Variants in PLD5 observed in about 807,000 individuals in gnomAD.
PLD5 encodes the protein phospholipase D family member 5, also known as inactive phospholipase D5.
A neutral mutation model predicts 61.1 loss-of-function variants in PLD5; 36 were observed. The ratio of observed to expected loss-of-function variants is 0.59; its 90% CI spans 0.45 to 0.78. PLD5 has a LOEUF of 0.78. PLD5 is among the 30% of genes least tolerant of loss of function. The pLI is 0.00. For synonymous variants in PLD5, 243 were observed against 242.8 expected, an observed-to-expected ratio of 1.00 and a Z score of -0.01; for missense variants, 515 against 644.4, an observed-to-expected ratio of 0.80 and a Z score of 2.17.
intron 7 of PLD5, among the ~76,000 whole-genome samples, chr1:242,109,073 A>G (rs12127920): frequency 0.55 from 83,560 of 152,052 alleles, 23,172 homozygotes; most frequent in East Asian, 0.67. Context: ...ACTACAGGAA[A>G]GATCATCTCA....
intron 1 of PLD5, among the ~76,000 whole-genome samples, chr1:242,412,938 C>A (rs1664633346): frequency 6.6e-6 from 1 of 152,204 alleles, no homozygotes; most frequent in African/African-American, 2.4e-5. Flanking sequence ...TCCACCAATG[C>A]ATGGGTGGTT....
At chr1:242,291,018 C>T (rs1675330813) in intron 2 of PLD5, among the ~76,000 whole-genome samples, 2 of 152,260 alleles carry the variant, frequency 1.3e-5, no homozygotes, top group Non-Finnish European at 1.5e-5. Flanking sequence ...ACCAGCCTGG[C>T]CTGCCTCTCT....
intron 1 of PLD5, among the ~76,000 whole-genome samples, chr1:242,511,588 GAA>G (rs33948487): frequency 0.023 from 3,420 of 149,164 alleles, 45 homozygotes; most frequent in South Asian, 0.047. Context: ...GTCTAATGAT[GAA>G]AAAAAAAAAT....
At chr1:242,528,777 G>A (rs1304352995), upstream of PLD5, among the ~76,000 whole-genome samples, 1 of 152,102 alleles carries the variant, frequency 6.6e-6, no homozygotes, top group East Asian at 1.9e-4. Flanking sequence ...CAAAAAGCCA[G>A]GTTCATTGAC....
intron 4 of PLD5, among the ~76,000 whole-genome samples, chr1:242,244,117 T>C (rs560544610): frequency 6.6e-6 from 1 of 152,344 alleles, no homozygotes; most frequent in African/African-American, 2.4e-5. Flanking sequence ...TGATAGAGTG[T>C]GTTGGCCTAT....
At chr1:242,465,217 C>G (rs898124159) in intron 1 of PLD5, among the ~76,000 whole-genome samples, 3 of 152,042 alleles carry the variant, frequency 2.0e-5, no homozygotes, top group Non-Finnish European at 4.4e-5. Context: ...CAAATTTAAT[C>G]TCTCAGGAAA....
chr1:242,489,832 T>G lies in PLD5; in HGVS notation c.189+34256A>C, dbSNP rs12070101. On this transcript the variant is annotated intron_variant, in intron 1 of 9. Transcript: ENST00000536534. The stretch of plus-strand genomic sequence containing the variant: ...CACCAAGCCTCGACAAAAGGAGAGA[T>G]CATTTCCCGCAGAAGGAACAACTGC... 6.9e-3 allele frequency among the ~76,000 whole-genome samples: 1,047 copies of G among 152,274 alleles called. 16 individuals carry two copies. Among genetic ancestry groups the G allele is most frequent in the African/African-American group, 0.024 (982 of 41,548 alleles).
chr1:242,230,914 C>A (rs1671258150), intron 4 of PLD5, among the ~76,000 whole-genome samples: 1 of 152,144 alleles, frequency 6.6e-6, no homozygotes, highest in Non-Finnish European at 1.5e-5. Context: ...GGATATTCTG[C>A]TTCTTGGGAA....
chr1:242,178,639 GTTAA>G (rs954913351), intron 5 of PLD5, among the ~76,000 whole-genome samples: 151 of 152,256 alleles, frequency 9.9e-4, no homozygotes, highest in African/African-American at 3.4e-3. Flanking sequence ...CTACAAATGC[GTTAA>G]TTAACACTCA....
At chr1:242,211,011 C>T (rs1009779244) in intron 5 of PLD5, among the ~76,000 whole-genome samples, 3 of 152,148 alleles carry the variant, frequency 2.0e-5, no homozygotes, top group East Asian at 1.9e-4. Flanking sequence ...GTTTAAGGTA[C>T]GAAACCGTTC....
chr1:242,198,758 T>C (rs1299705717), intron 5 of PLD5, among the ~76,000 whole-genome samples: 1 of 150,366 alleles, frequency 6.7e-6, no homozygotes, highest in Non-Finnish European at 1.5e-5. Context: ...TATTTTGAGA[T>C]GGAGTTTCAC....
chr1:242,241,459 CA>C (rs2149061716), intron 4 of PLD5, among the ~76,000 whole-genome samples: 1 of 152,224 alleles, frequency 6.6e-6, no homozygotes, highest in African/African-American at 2.4e-5. Context: ...CTGTCATTTC[CA>C]ACTGACAATC....
chr1:242,153,199 G>T (rs185334119), intron 5 of PLD5, among the ~76,000 whole-genome samples: 2,809 of 149,328 alleles, frequency 0.019, 103 homozygotes, highest in African/African-American at 0.065. Flanking sequence ...CTTTTTGATG[G>T]TTTTTTTTTC....
At chr1:242,329,254 C>T (rs563452055) in intron 2 of PLD5, among the ~76,000 whole-genome samples, 70 of 152,268 alleles carry the variant, frequency 4.6e-4, no homozygotes, top group African/African-American at 1.6e-3. Context: ...AGGTGATCTA[C>T]CCGACTCAGC....
intron 5 of PLD5, among the ~76,000 whole-genome samples, chr1:242,162,189 T>C (rs1056711666): frequency 6.6e-6 from 1 of 152,134 alleles, no homozygotes; most frequent in Admixed American, 6.5e-5. Flanking sequence ...TGTCAAAAGA[T>C]TGACATCACA....
At chr1:242,428,342 G>A (rs953319574) in intron 1 of PLD5, among the ~76,000 whole-genome samples, 12 of 152,128 alleles carry the variant, frequency 7.9e-5, no homozygotes, top group African/African-American at 2.7e-4. Flanking sequence ...TGTTCTATAT[G>A]AGGAAATATT....
chr1:242,412,887 C>T (rs191905950), intron 1 of PLD5, among the ~76,000 whole-genome samples: 22 of 152,304 alleles, frequency 1.4e-4, no homozygotes, highest in Admixed American at 2.0e-4. Flanking sequence ...TAAGAAATTA[C>T]GAAACCACTT....
chr1:242,461,591 C>T (rs1299327770), intron 1 of PLD5, among the ~76,000 whole-genome samples: 3 of 152,170 alleles, frequency 2.0e-5, no homozygotes, highest in Non-Finnish European at 4.4e-5. Context: ...ATTTATCTTC[C>T]TTCGGGTATA....
chr1:242,301,536 A>G (rs1269860317), intron 2 of PLD5, among the ~76,000 whole-genome samples: 3 of 152,094 alleles, frequency 2.0e-5, no homozygotes, highest in Admixed American at 6.6e-5. Flanking sequence ...CAGGAAGGAC[A>G]ATGTTCAACA....
Sources: allele counts gnomAD v4.1 joint callset (sites outside exome capture counted in the v4.1 genomes callset), GRCh38; gene constraint gnomAD v4.1.1; transcripts MANE v1.5; gene names NCBI Gene and HGNC (gene_info 2026-07-23, HGNC 2026-07-21).